Variants in LMO2 observed in about 807,000 individuals in gnomAD.
LMO2 encodes LIM domain only 2, also known as rhombotin-2.
In LMO2, 20 loss-of-function variants were observed where a neutral mutation model predicts 23.2. That is an observed-to-expected ratio of 0.86 (90% CI 0.61 to 1.25). The LOEUF is 1.25. LMO2 is among the 50% of genes most tolerant of loss of function. The pLI is 0.00. For synonymous variants in LMO2, 123 were observed against 130.2 expected, an observed-to-expected ratio of 0.94 and a Z score of 0.38; for missense variants, 270 against 315.3, an observed-to-expected ratio of 0.86 and a Z score of 1.09.
intron 2 of LMO2, among the ~76,000 whole-genome samples, chr11:33,873,420 A>G (rs965471439): frequency 6.6e-6 from 1 of 152,212 alleles, no homozygotes; most frequent in Admixed American, 6.5e-5. Flanking sequence ...TTCCTATTCA[A>G]CGGGCAATTA....
Position 33,884,681 on chromosome 11 carries a change from T to C in LMO2, c.-335-2794A>G, listed in dbSNP as rs567931611. 1.3e-4 allele frequency among the ~76,000 whole-genome samples: 20 copies of C among 152,326 alleles called. No homozygotes were observed. The Middle Eastern group carries it at 0.02, about 155-fold the overall frequency. On this transcript the variant is annotated intron_variant, in intron 1 of 5. Coordinates refer to ENST00000257818, the MANE Select transcript of LMO2 (RefSeq NM_005574.4). ...AGGGGACATCCAAGTCCTAGGGAGT[T>C]CAGAGTACCACATGTAGAATTTGGT... is the stretch of plus-strand genomic sequence containing the variant.
rs746289086 is a variant in LMO2, at chr11:33,864,887, T to C, written c.249-70A>G. ...ACCAGCACCGAGGGTCCGAGATCGT[T>C]TTGGGCCAGACAGGGCATCTCACCT... On this transcript the variant is annotated intron_variant, in intron 4 of 5. Transcript: ENST00000257818. This position sits in a 1 kb window ranked among gnomAD's most constrained non-coding sequence, Gnocchi z 4.8. 9.8e-6 allele frequency: 14 copies of C among 1,433,336 alleles called. No homozygotes were observed. The highest frequency in any genetic ancestry group is 1.4e-5 in the Non-Finnish European group (14 of 1,026,304). The allele number at this position is 1,433,336 out of a possible 1,614,324, so 88.8% of individuals were successfully genotyped here.
chr11:33,890,292 A>G lies in LMO2; in HGVS notation c.-336+1503T>C, dbSNP rs529700698. Among the ~76,000 whole-genome samples the G allele has an allele frequency of 7.2e-5, 11 of 152,262 alleles. No individual in the cohort carries two copies. In the East Asian group the frequency reaches 9.6e-4, roughly 13 times the overall value. On this transcript the variant is annotated intron_variant, in intron 1 of 5. Transcript: ENST00000257818. ...CCTTAGAAGCCCTGACTTCAAGACT[A>G]TGCAATTTACGCTTGTCACAAAATT...
chr11:33,883,805 G>T (rs1857341236), intron 1 of LMO2, among the ~76,000 whole-genome samples: 1 of 152,186 alleles, frequency 6.6e-6, no homozygotes, highest in Non-Finnish European at 1.5e-5. Context: ...AAAGCCTACA[G>T]AACTTGCTCC....
chr11:33,887,392 G>C (rs766968185), intron 1 of LMO2, among the ~76,000 whole-genome samples: 2 of 152,196 alleles, frequency 1.3e-5, no homozygotes, highest in Non-Finnish European at 2.9e-5. Flanking sequence ...AGTTTCCTCA[G>C]TGATTCTGCT....
chr11:33,887,540 A>ATTTT (rs3072488), intron 1 of LMO2, among the ~76,000 whole-genome samples: 4 of 132,968 alleles, frequency 3.0e-5, no homozygotes, highest in African/African-American at 1.1e-4. Context: ...AGGAATGTGG[A>ATTTT]TTTTTTTTTT....
chr11:33,869,658 G>A (rs1856939977), intron 3 of LMO2, 52 bp downstream of exon 3: 12 of 1,257,726 alleles, frequency 9.5e-6, no homozygotes, highest in African/African-American at 3.2e-5. Context: ...GGGCCGGGGC[G>A]CGCAGCCTGG....
intron 1 of LMO2, among the ~76,000 whole-genome samples, chr11:33,884,263 G>A (rs545829129): frequency 5.3e-5 from 8 of 152,208 alleles, no homozygotes; most frequent in South Asian, 2.1e-4. Context: ...GAATAATGCC[G>A]AGAGGAGGTA....
In LMO2 at chr11:33,891,831, G is replaced by C. The variant is rs1457772664; in HGVS notation, c.-372C>G. On this transcript the variant is annotated 5_prime_UTR_variant, in exon 1 of 6. It adds an upstream start codon to the 5' untranslated region. Transcript: ENST00000257818. ...GTAATCCTGGTGGCTTCCCCCATCA[G>C]ATCTAGGCTGCCTGCCCCACGGATA... 6.6e-6 allele frequency: 1 copy of C among 152,180 alleles called. No individual in the cohort carries two copies. The highest frequency in any genetic ancestry group is 2.4e-5 in the African/African-American group (1 of 41,412). The allele number at this position is 152,180 out of a possible 1,614,324, so 9.4% of individuals were successfully genotyped here.
chr11:33,875,353 G>C (rs1171284936), intron 2 of LMO2, among the ~76,000 whole-genome samples: 1 of 152,110 alleles, frequency 6.6e-6, no homozygotes, highest in Non-Finnish European at 1.5e-5. Context: ...TGAGGTGGGT[G>C]GATCACCTGA....
rs1565034659 is a variant in LMO2, at chr11:33,880,230, T to TATATATATATATCATATATACACATG, written c.-272+1593_-272+1594insCATGTGTATATATGATATATATATAT. ...ATATATATATCATATATACACATGA[T>TATATATATATATCATATATACACATG]ATATATATCATATATACACATGATA... is the stretch of plus-strand genomic sequence containing the variant. On this transcript the variant is annotated intron_variant, in intron 2 of 5. Transcript: ENST00000257818. The surrounding 1 kb of genome is among the most constrained non-coding windows in gnomAD (Gnocchi z 4.3). 7.0e-6 allele frequency among the ~76,000 whole-genome samples: 1 copy of TATATATATATATCATATATACACATG among 143,754 alleles called. No homozygotes were observed. Among genetic ancestry groups the TATATATATATATCATATATACACATG allele is most frequent in the African/African-American group, 2.7e-5 (1 of 36,974 alleles). 94.3% of individuals were successfully genotyped at this position (143,754 alleles called of 152,430 possible).
intron 4 of LMO2, among the ~76,000 whole-genome samples, chr11:33,865,405 C>G (rs967800322): frequency 3.3e-5 from 5 of 152,230 alleles, no homozygotes; most frequent in African/African-American, 1.2e-4. Context: ...AGGTTGCTTT[C>G]TCTTTCCAAA....
At chr11:33,886,407 C>T (rs1292869048) in intron 1 of LMO2, among the ~76,000 whole-genome samples, 1 of 152,178 alleles carries the variant, frequency 6.6e-6, no homozygotes, top group Admixed American at 6.5e-5. Flanking sequence ...GTCCTGATGG[C>T]TTCTCAGGAT....
chr11:33,861,669 G>A lies in LMO2; in HGVS notation c.465-2094C>T, dbSNP rs534423831. ...AGTTTGGGCCTGAGCAAGGATGAACGACTGAGAAAACAGTGTGCATGGAAT... is the reference window on the plus strand; with the variant it reads ...AGTTTGGGCCTGAGCAAGGATGAACAACTGAGAAAACAGTGTGCATGGAAT... On this transcript the variant is annotated intron_variant, in intron 5 of 5. Transcript: ENST00000257818. 6.6e-5 allele frequency among the ~76,000 whole-genome samples: 10 copies of A among 152,300 alleles called. No homozygotes were observed. The South Asian group carries it at 1.2e-3, about 19-fold the overall frequency.
rs1257914246 is a variant in LMO2 at position 33,880,900 on chromosome 11, A to G, written c.-272+924T>C. On this transcript the variant is annotated intron_variant, in intron 2 of 5. Transcript: ENST00000257818. The surrounding 1 kb of genome is among the most constrained non-coding windows in gnomAD (Gnocchi z 4.3). ...AATCAGTGGCAATCCCTGCCCACTT[A>G]GGACTTTTCGAATAGTGCTCATCCC... 2 of 306,212 alleles carry G rather than the reference A, an allele frequency of 6.5e-6. No individual in the cohort carries two copies. Among genetic ancestry groups the G allele is most frequent in the Non-Finnish European group, 1.3e-5 (2 of 155,736 alleles). The allele number at this position is 306,212 out of a possible 1,614,324, so 19.0% of individuals were successfully genotyped here.
chr11:33,863,056 G>A (rs538752626), intron 5 of LMO2, among the ~76,000 whole-genome samples: 62 of 152,140 alleles, frequency 4.1e-4, no homozygotes, highest in African/African-American at 1.5e-3. Context: ...AGAAGCTGGG[G>A]CTCTTCTGAC....
chr11:33,869,720 G>A lies in LMO2; in HGVS notation c.-4C>T. 5 of 1,292,230 alleles carry A rather than the reference G, an allele frequency of 3.9e-6. No homozygotes were observed. Among genetic ancestry groups the A allele is most frequent in the Non-Finnish European group, 3.0e-6 (3 of 1,001,630 alleles). 80.0% of individuals were successfully genotyped at this position (1,292,230 alleles called of 1,614,324 possible). On this transcript the variant is annotated 5_prime_UTR_variant, in exon 3 of 6. Transcript: ENST00000257818. The stretch of plus-strand genomic sequence containing the variant: ...TGCTCAGGACTTAACCTTCCATCCC[G>A]GTCCCGCCGCCGCCACCGCCCGGTC...
intron 5 of LMO2, among the ~76,000 whole-genome samples, chr11:33,862,311 T>C (rs1185451273): frequency 3.9e-5 from 6 of 152,142 alleles, no homozygotes; most frequent in Non-Finnish European, 7.4e-5. Context: ...GGGGGTCTAG[T>C]TGGGGCAGGC....
chr11:33,875,337 G>A (rs753744267), intron 2 of LMO2, among the ~76,000 whole-genome samples: 7 of 152,124 alleles, frequency 4.6e-5, no homozygotes, highest in Non-Finnish European at 8.8e-5. Flanking sequence ...TGACACTTTC[G>A]GAGGCTGAGG....
Sources: allele counts gnomAD v4.1 joint callset (sites outside exome capture counted in the v4.1 genomes callset), GRCh38; gene constraint gnomAD v4.1.1; non-coding constraint Gnocchi (gnomAD v3.1); transcripts MANE v1.5; gene names NCBI Gene and HGNC (gene_info 2026-07-23, HGNC 2026-07-21).